Variants in PRELID2 observed in about 807,000 individuals in gnomAD.
The protein encoded by PRELID2 is PRELI domain containing 2.
PRELID2 carries 25 observed loss-of-function variants against 28.4 expected under a neutral mutation model. The ratio of observed to expected loss-of-function variants is 0.88; its 90% CI spans 0.64 to 1.23. The LOEUF (loss-of-function observed/expected upper bound fraction) is 1.23. Ranked by LOEUF, PRELID2 falls within the 50% of genes most tolerant of loss-of-function variation. The pLI, the probability that PRELID2 is intolerant of heterozygous loss-of-function variation, is 0.00. For missense variants in PRELID2, 201 were observed against 214.4 expected, an observed-to-expected ratio of 0.94 and a Z score of 0.39; for synonymous variants, 76 against 71.6, an observed-to-expected ratio of 1.06 and a Z score of -0.31.
chr5:145,589,845 T>C (rs891907914), intron 1 of PRELID2, among the ~76,000 whole-genome samples: 2 of 152,198 alleles, frequency 1.3e-5, no homozygotes, highest in African/African-American at 4.8e-5. Flanking sequence ...AGTTTGTAAA[T>C]CCACTTGTAA....
At chr5:145,412,833 C>A in the PRELID2 span, among the ~76,000 whole-genome samples, 6 of 152,258 alleles carry the variant, frequency 3.9e-5, no homozygotes, top group South Asian at 1.2e-3. Flanking sequence ...CCTCAGGAAA[C>A]TTACAATCAT....
chr5:145,367,602 C>T, the PRELID2 span, among the ~76,000 whole-genome samples: 2 of 151,880 alleles, frequency 1.3e-5, no homozygotes, highest in Admixed American at 1.3e-4. Context: ...CTTCTGTGTT[C>T]AGCCAATGCA....
the PRELID2 span, among the ~76,000 whole-genome samples, chr5:145,446,543 G>T: frequency 1.3e-5 from 2 of 152,106 alleles, no homozygotes; most frequent in African/African-American, 4.8e-5. Context: ...TATGTTCCAA[G>T]AACCTATGTA....
the PRELID2 span, among the ~76,000 whole-genome samples, chr5:145,368,618 A>G: frequency 4.0e-5 from 6 of 151,844 alleles, no homozygotes; most frequent in Non-Finnish European, 8.8e-5. Flanking sequence ...CCTCTCATAT[A>G]AAAGTTATTT....
At chr5:145,575,849 C>A (rs954518202) in intron 1 of PRELID2, among the ~76,000 whole-genome samples, 3 of 152,128 alleles carry the variant, frequency 2.0e-5, no homozygotes, top group Non-Finnish European at 4.4e-5. Flanking sequence ...CTCCAGCCCA[C>A]CTTGCATCAC....
intron 1 of PRELID2, among the ~76,000 whole-genome samples, chr5:145,577,827 G>T (rs1489556535): frequency 6.6e-6 from 1 of 151,940 alleles, no homozygotes; most frequent in Non-Finnish European, 1.5e-5. Context: ...ACACTAACAG[G>T]CCTCTTAAAG....
chr5:145,815,542 G>A (rs148539888), intron 4 of PRELID2, among the ~76,000 whole-genome samples: 23 of 152,134 alleles, frequency 1.5e-4, no homozygotes, highest in Admixed American at 4.6e-4. Context: ...AAGAAACTCC[G>A]TACCAACTGG....
At chr5:145,464,499 A>G in the PRELID2 span, among the ~76,000 whole-genome samples, 1 of 152,198 alleles carries the variant, frequency 6.6e-6, no homozygotes, top group Non-Finnish European at 1.5e-5. Flanking sequence ...CTGTCTTCAA[A>G]TATCTGCAGG....
At chr5:145,694,856 A>G (rs189040919) in intron 1 of PRELID2, among the ~76,000 whole-genome samples, 67 of 152,214 alleles carry the variant, frequency 4.4e-4, no homozygotes, top group Middle Eastern at 3.4e-3. Flanking sequence ...AGGGGAACAG[A>G]GAAGAGCCAG....
At chr5:145,297,957 A>G in the PRELID2 span, among the ~76,000 whole-genome samples, 35 of 152,320 alleles carry the variant, frequency 2.3e-4, no homozygotes, top group Non-Finnish European at 4.7e-4. Flanking sequence ...CCACTGCTCC[A>G]GGAAATAAAA....
the PRELID2 span, among the ~76,000 whole-genome samples, chr5:145,319,109 G>T: frequency 6.6e-6 from 1 of 152,088 alleles, no homozygotes; most frequent in South Asian, 2.1e-4. Flanking sequence ...TATGGGTATG[G>T]TATAGGGGGG....
At chr5:145,358,005 G>T in the PRELID2 span, among the ~76,000 whole-genome samples, 2,110 of 151,672 alleles carry the variant, frequency 0.014, 41 homozygotes, top group African/African-American at 0.048. Context: ...ATTCTAGTCT[G>T]CTCTTGGGTC....
chr5:145,700,837 T>G (rs1427777994), intron 1 of PRELID2, among the ~76,000 whole-genome samples: 1 of 152,172 alleles, frequency 6.6e-6, no homozygotes, highest in Admixed American at 6.5e-5. Flanking sequence ...GTATGGGGAA[T>G]ACCTTTGGCA....
chr5:145,739,799 G>A (rs1477011084), intron 1 of PRELID2, among the ~76,000 whole-genome samples: 3 of 151,610 alleles, frequency 2.0e-5, no homozygotes, highest in Non-Finnish European at 4.4e-5. Flanking sequence ...TATATATAAT[G>A]TAATATATAG....
At chr5:145,436,531 T>C in the PRELID2 span, among the ~76,000 whole-genome samples, 1 of 152,228 alleles carries the variant, frequency 6.6e-6, no homozygotes, top group Non-Finnish European at 1.5e-5. Flanking sequence ...GCTGGACTAA[T>C]TTACATTCCC....
the PRELID2 span, among the ~76,000 whole-genome samples, chr5:145,428,986 A>G: frequency 3.3e-5 from 5 of 151,988 alleles, no homozygotes; most frequent in African/African-American, 1.2e-4. Context: ...GGGAATAGGA[A>G]AACAGTTCAT....
At chr5:145,518,223 A>T (rs1752535998) in intron 1 of PRELID2, among the ~76,000 whole-genome samples, 1 of 151,778 alleles carries the variant, frequency 6.6e-6, no homozygotes, top group Non-Finnish European at 1.5e-5. Context: ...TGTTTGAGAC[A>T]GAGTCTCTCT....
the PRELID2 span, among the ~76,000 whole-genome samples, chr5:145,373,917 G>T: frequency 2.4e-5 from 3 of 126,558 alleles, no homozygotes; most frequent in African/African-American, 6.0e-5. Context: ...TAATATATAT[G>T]ATATTATATA....
At chr5:145,368,290 C>T in the PRELID2 span, among the ~76,000 whole-genome samples, 1 of 151,826 alleles carries the variant, frequency 6.6e-6, no homozygotes, top group Non-Finnish European at 1.5e-5. Context: ...GGCTCTAAAG[C>T]CACCAATTTT....
Sources: allele counts gnomAD v4.1 joint callset (sites outside exome capture counted in the v4.1 genomes callset), GRCh38; gene constraint gnomAD v4.1.1; transcripts MANE v1.5; gene names NCBI Gene and HGNC (gene_info 2026-07-23, HGNC 2026-07-21).